Variants in DNAH2 observed in about 807,000 individuals in gnomAD.
DNAH2 encodes dynein axonemal heavy chain 2.
A neutral mutation model predicts 523.5 loss-of-function variants in DNAH2; 323 were observed. The observed-to-expected ratio is 0.62, with a 90% CI of 0.56 to 0.68. The LOEUF (loss-of-function observed/expected upper bound fraction) is 0.68, where lower values mean the gene tolerates loss of function less well. Among genes scored for constraint, DNAH2 ranks in the 30% least tolerant of loss-of-function variants. DNAH2 has a pLI of 0.00. For synonymous variants in DNAH2, 2,093 were observed against 2,177.4 expected, an observed-to-expected ratio of 0.96 and a Z score of 1.08; for missense variants, 4,907 against 5,701.5, an observed-to-expected ratio of 0.86 and a Z score of 4.49.
chr17:7,807,450 G>T lies in DNAH2; in HGVS notation c.9613-20G>T, dbSNP rs1256729255. Reference sequence around the variant, plus strand: ...GGTGGGTTGGTGGGCGACTCCCACAGCCTGACTGTCTCCCCACAGCTGTAT... The same window carrying T: ...GGTGGGTTGGTGGGCGACTCCCACATCCTGACTGTCTCCCCACAGCTGTAT... On this transcript the variant is annotated intron_variant, in intron 62 of 85. Coordinates refer to ENST00000572933, the MANE Select transcript of DNAH2 (RefSeq NM_020877.5). The surrounding 1 kb of genome is among the most constrained non-coding windows in gnomAD (Gnocchi z 5.6). 1 of 1,612,516 alleles carries T rather than the reference G, an allele frequency of 6.2e-7. No homozygotes were observed. Among genetic ancestry groups the T allele is most frequent in the Admixed American group, 1.7e-5 (1 of 60,014 alleles).
At position 7,778,411 on chromosome 17, in the gene DNAH2, A is replaced by G; in HGVS notation, c.5483A>G (p.Asn1828Ser). Residue 1828 changes from asparagine (N) to serine (S), a missense_variant, in exon 35 of 86, where the codon AAC (asparagine) becomes AGC (serine). Coordinates refer to ENST00000572933, the MANE Select transcript of DNAH2 (RefSeq NM_020877.5). The stretch of plus-strand genomic sequence containing the variant: ...CTGGGCATATATGTCATTGTGGTCA[A>G]CTGCTCTGAGGGCCTGGACTACAAG... ...KALGIYVIVV[N>S]CSEGLDYKSM... 1 of 1,614,218 alleles carries G rather than the reference A, an allele frequency of 6.2e-7. No individual in the cohort carries two copies.
intron 18 of DNAH2, among the ~76,000 whole-genome samples, chr17:7,762,851 C>T: frequency 6.6e-6 from 1 of 150,648 alleles, no homozygotes; most frequent in East Asian, 1.9e-4. Context: ...GGCTCTGTTA[C>T]TGTCACTGTA....
Position 7,739,955 on chromosome 17 carries a change from C to G in DNAH2, c.1376+17C>G. ...CTACAATAAGTGAGGGAACCACAGG[C>G]TGATGCCAGGCGTGGGCAGGGAAGG... On this transcript the variant is annotated intron_variant, in intron 9 of 85. Coordinates refer to ENST00000572933, the MANE Select transcript of DNAH2 (RefSeq NM_020877.5). 2 of 1,612,130 alleles carry G rather than the reference C, an allele frequency of 1.2e-6. No individual in the cohort carries two copies. Among genetic ancestry groups the G allele is most frequent in the Non-Finnish European group, 1.7e-6 (2 of 1,178,814 alleles).
intron 12 of DNAH2, among the ~76,000 whole-genome samples, chr17:7,752,134 T>G (rs1027284588): frequency 7.6e-6 from 1 of 132,228 alleles, no homozygotes; most frequent in African/African-American, 2.8e-5. Flanking sequence ...TTTATTTAAG[T>G]CCTGCCTTTT....
In DNAH2 at chr17:7,831,207, G is replaced by A; in HGVS notation, c.12352G>A (p.Asp4118Asn). 6.2e-7 allele frequency: 1 copy of A among 1,614,190 alleles called. No homozygotes were observed. Among genetic ancestry groups the A allele is most frequent in the Non-Finnish European group, 8.5e-7 (1 of 1,180,038 alleles). Residue 4118 changes from aspartate (D) to asparagine (N), a missense_variant, in exon 80 of 86, where the codon GAT (aspartate) becomes AAT (asparagine). Physicochemically the swap from Asp to Asn is conservative, Grantham distance 23. Around this residue, in one of 3 missense-constraint regions of DNAH2, gnomAD observed 1,851 missense variants for 2,139.4 expected, o/e 0.87. Transcript: ENST00000572933. This position sits in a 1 kb window ranked among gnomAD's most constrained non-coding sequence, Gnocchi z 4.2. Reference sequence around the variant, plus strand: ...GGCCTTTGGCCAGCACCCCAATGCTGATGTGGCCTCTCAGATCACTGAGGC... The same window carrying A: ...GGCCTTTGGCCAGCACCCCAATGCTAATGTGGCCTCTCAGATCACTGAGGC... ...PEAFGQHPNA[D>N]VASQITEAQT... is the part of the protein sequence containing the mutation.
At chr17:7,738,062 A>C in intron 8 of DNAH2, 2 of 703,598 alleles carry the variant, frequency 2.8e-6, no homozygotes, top group Non-Finnish European at 5.2e-6. Flanking sequence ...GCAAGGCTGC[A>C]TTCTCTGTTG....
At chr17:7,777,424 T>C in intron 32 of DNAH2, 22 bp from the exon 33 acceptor site, 1 of 1,613,880 alleles carries the variant, frequency 6.2e-7, no homozygotes, top group Non-Finnish European at 8.5e-7. Flanking sequence ...TCTGCTCTCT[T>C]CCCTGCTGCT....
At position 7,766,417 on chromosome 17, in the gene DNAH2, G is replaced by A. The variant is rs963272127; in HGVS notation, c.3611G>A (p.Arg1204Gln). Residue 1204 changes from arginine to glutamine, a missense_variant, in exon 22 of 86, where the codon CGA becomes CAA. Arg to Gln is a conservative substitution (Grantham distance 43). Around this residue, in one of 3 missense-constraint regions of DNAH2, gnomAD observed 2,806 missense variants for 3,190.8 expected, o/e 0.88. Transcript: ENST00000572933. ...ATGCGGGAAGAGGAAAATAGTCTCC[G>A]AGCCAACCTGGGCATCTTCAAGATC... is the stretch of plus-strand genomic sequence containing the variant. ...MAMREEENSL[R>Q]ANLGIFKIEQ... is the part of the protein sequence containing the mutation. 1.9e-6 allele frequency: 3 copies of A among 1,613,846 alleles called. No homozygotes were observed. Among genetic ancestry groups the A allele is most frequent in the African/African-American group, 2.7e-5 (2 of 74,858 alleles).
intron 18 of DNAH2, among the ~76,000 whole-genome samples, chr17:7,762,081 G>C (rs867722938): frequency 6.6e-5 from 10 of 152,130 alleles, no homozygotes; most frequent in Admixed American, 5.9e-4. Context: ...TATTCTCTGG[G>C]CCTCAGTTTT....
Position 7,818,966 on chromosome 17 carries a change from T to C in DNAH2, c.10718T>C (p.Val3573Ala). ...TCCCTGCTGGATGATGTGCAGCTGG[T>C]GAACACGCTGCATACCTCCAAGATC... ...TGSLLDDVQLVNTLHTSKITA... is the reference protein window; with the variant it reads ...TGSLLDDVQLANTLHTSKITA... Residue 3573 changes from valine (V) to alanine (A), a missense_variant, in exon 71 of 86, where the codon GTG becomes GCG. Val to Ala is a moderately conservative substitution (Grantham distance 64). Around this residue, in one of 3 missense-constraint regions of DNAH2, gnomAD observed 1,851 missense variants for 2,139.4 expected, o/e 0.87. Coordinates refer to ENST00000572933, the MANE Select transcript of DNAH2 (RefSeq NM_020877.5). The C allele has an allele frequency of 1.2e-6, 2 of 1,612,318 alleles. No individual in the cohort carries two copies. Among genetic ancestry groups the C allele is most frequent in the Non-Finnish European group, 1.7e-6 (2 of 1,179,954 alleles).
In DNAH2 at chr17:7,807,289, G is replaced by T; in HGVS notation, c.9582G>T (p.Lys3194Asn). ...TCGGCCGCGTCTCCCTGGCTGCCAA[G>T]TCCCTCTGCATGTGGGTGCGGGCCA... is the stretch of plus-strand genomic sequence containing the variant. Reference protein sequence around the residue: ...DIIGRVSLAAKSLCMWVRAME... With the variant: ...DIIGRVSLAANSLCMWVRAME... Residue 3194 changes from lysine (K) to asparagine (N), a missense_variant, in exon 62 of 86, where the codon AAG (lysine) becomes AAT (asparagine). Transcript: ENST00000572933. This position sits in a 1 kb window ranked among gnomAD's most constrained non-coding sequence, Gnocchi z 5.6. The T allele has an allele frequency of 6.2e-7, 1 of 1,613,810 alleles. No homozygotes were observed.
chr17:7,752,355 C>G (rs996064231), intron 12 of DNAH2, among the ~76,000 whole-genome samples: 1 of 151,992 alleles, frequency 6.6e-6, no homozygotes, highest in Non-Finnish European at 1.5e-5. Context: ...TGTTTAAAAT[C>G]ATTTTTTCCT....
chr17:7,824,278 G>A lies in DNAH2; in HGVS notation c.11636G>A (p.Arg3879Gln), dbSNP rs373180582. ...LGQGQAPIAA[R>Q]LLREGVTQGH... ...CAGGGCCAGGCCCCCATCGCTGCTC[G>A]GCTCCTCCGAGAGGGTGTGACTCAG... is the stretch of plus-strand genomic sequence containing the variant. Residue 3879 changes from arginine (R) to glutamine (Q), a missense_variant, in exon 76 of 86, where the codon CGG becomes CAG. This residue lies in a region of DNAH2 where 1,851 missense variants were observed against 2,139.4 expected (regional missense o/e 0.87). Transcript: ENST00000572933. The A allele has an allele frequency of 6.7e-5, 103 of 1,536,932 alleles. No homozygotes were observed. The highest frequency in any genetic ancestry group is 2.2e-4 in the South Asian group (18 of 80,398).
chr17:7,783,273 C>T (rs185860331), intron 39 of DNAH2, among the ~76,000 whole-genome samples: 1 of 152,174 alleles, frequency 6.6e-6, no homozygotes, highest in East Asian at 1.9e-4. Flanking sequence ...GACGGGGTTT[C>T]TCCATGTTGG....
At chr17:7,818,600 C>A in intron 69 of DNAH2, 43 bp from the exon 70 acceptor site, 1 of 1,610,156 alleles carries the variant, frequency 6.2e-7, no homozygotes, top group Non-Finnish European at 8.5e-7. Flanking sequence ...AGGTGAAGGT[C>A]GAAGGAGTGA....
chr17:7,829,294 G>A (rs1003512664), intron 77 of DNAH2, among the ~76,000 whole-genome samples: 1 of 152,178 alleles, frequency 6.6e-6, no homozygotes, highest in Non-Finnish European at 1.5e-5. Flanking sequence ...TTACAGGCGT[G>A]AGCCAGCGCG....
At chr17:7,745,499 T>A (rs998569453) in intron 12 of DNAH2, among the ~76,000 whole-genome samples, 1 of 151,984 alleles carries the variant, frequency 6.6e-6, no homozygotes, top group African/African-American at 2.4e-5. Flanking sequence ...CCCCTGAACT[T>A]GAAATAAAAG....
Position 7,788,012 on chromosome 17 carries a change from G to A in DNAH2, c.6741+15G>A. 1 of 1,613,904 alleles carries A rather than the reference G, an allele frequency of 6.2e-7. No homozygotes were observed. The highest frequency in any genetic ancestry group is 8.5e-7 in the Non-Finnish European group (1 of 1,179,836). ...AGAGGCCAAAGGTATGAAGGGAACT[G>A]AGGAGAGGGAAAGTAACCAGGGTGG... On this transcript the variant is annotated intron_variant, in intron 43 of 85. Transcript: ENST00000572933.
At chr17:7,782,079 CT>C in intron 39 of DNAH2, among the ~76,000 whole-genome samples, 1 of 152,030 alleles carries the variant, frequency 6.6e-6, no homozygotes, top group East Asian at 1.9e-4. Context: ...AGCAGGAACC[CT>C]GGGAGGCAGG....
Sources: allele counts gnomAD v4.1 joint callset (sites outside exome capture counted in the v4.1 genomes callset), GRCh38; gene constraint gnomAD v4.1.1; regional missense constraint gnomAD v4.1.1; non-coding constraint Gnocchi (gnomAD v3.1); transcripts MANE v1.5; gene names NCBI Gene and HGNC (gene_info 2026-07-23, HGNC 2026-07-21).